Variants in CTNND2 observed in about 807,000 individuals in gnomAD.
The protein encoded by CTNND2 is catenin delta 2.
Under a neutral mutation model 144.4 loss-of-function variants are expected in CTNND2, and 22 were observed. That is an observed-to-expected ratio of 0.15 (90% CI 0.11 to 0.22). CTNND2 has a LOEUF of 0.22. CTNND2 is among the 10% of genes least tolerant of loss of function. CTNND2 has a pLI of 1.00. For synonymous variants in CTNND2, 751 were observed against 695.6 expected (o/e 1.08, Z -1.25); for missense variants, 1,353 against 1,618.8 (o/e 0.84, Z 2.82).
chr5:11,164,527 G>GCC (rs1452742063), intron 11 of CTNND2, among the ~76,000 whole-genome samples: 1 of 152,064 alleles, frequency 6.6e-6, no homozygotes, highest in Non-Finnish European at 1.5e-5. Context: ...AGACATCAGT[G>GCC]AAGAAAACAA....
At chr5:11,409,819 T>G (rs907067515) in intron 5 of CTNND2, among the ~76,000 whole-genome samples, 27 of 152,136 alleles carry the variant, frequency 1.8e-4, no homozygotes, top group Non-Finnish European at 2.4e-4. Context: ...CATAACTACT[T>G]TCTTTGTTTA....
chr5:11,246,849 C>T (rs919837345), intron 9 of CTNND2, among the ~76,000 whole-genome samples: 12 of 152,000 alleles, frequency 7.9e-5, no homozygotes, highest in African/African-American at 2.7e-4. Context: ...GCCTCTGAGG[C>T]AGGAGTGTGC....
chr5:11,860,340 T>A (rs4571470), intron 1 of CTNND2, among the ~76,000 whole-genome samples: 111,848 of 152,132 alleles, frequency 0.74, 41,215 homozygotes, highest in East Asian at 0.85. Flanking sequence ...TGTAGAGCTC[T>A]GTTGTAAATG....
At chr5:11,395,958 A>G (rs372734081) in intron 6 of CTNND2, among the ~76,000 whole-genome samples, 17 of 152,336 alleles carry the variant, frequency 1.1e-4, no homozygotes, top group African/African-American at 4.1e-4. Context: ...AACATGAAAA[A>G]AGTCCTGACC....
At chr5:11,860,985 T>G (rs368117277) in intron 1 of CTNND2, among the ~76,000 whole-genome samples, 3 of 152,224 alleles carry the variant, frequency 2.0e-5, no homozygotes, top group Non-Finnish European at 4.4e-5. Context: ...GTAAGTATTT[T>G]GAAGTGATCT....
intron 18 of CTNND2, among the ~76,000 whole-genome samples, chr5:11,005,709 G>C (rs553799693): frequency 6.6e-6 from 1 of 152,338 alleles, no homozygotes; most frequent in African/African-American, 2.4e-5. Flanking sequence ...GGAATATACT[G>C]AGAGCTAAGC....
At chr5:11,649,655 G>C (rs1434189664) in intron 2 of CTNND2, among the ~76,000 whole-genome samples, 4 of 152,142 alleles carry the variant, frequency 2.6e-5, no homozygotes, top group African/African-American at 9.7e-5. Flanking sequence ...ATAGGATTTG[G>C]GTTAAACACA....
chr5:11,826,788 A>T (rs540821178), intron 1 of CTNND2, among the ~76,000 whole-genome samples: 97 of 152,200 alleles, frequency 6.4e-4, no homozygotes, highest in African/African-American at 2.1e-3. Flanking sequence ...TAAGAATCCA[A>T]TCTATATATT....
At chr5:11,614,414 T>C (rs1323419757) in intron 2 of CTNND2, among the ~76,000 whole-genome samples, 1 of 152,116 alleles carries the variant, frequency 6.6e-6, no homozygotes, top group African/African-American at 2.4e-5. Context: ...AAACTCCAAG[T>C]GATGCAAAAA....
intron 2 of CTNND2, among the ~76,000 whole-genome samples, chr5:11,619,646 T>C (rs746260557): frequency 6.6e-6 from 1 of 152,188 alleles, no homozygotes; most frequent in Admixed American, 6.5e-5. Context: ...CATGATGGCA[T>C]AGAAAGAAGT....
At chr5:11,105,829 T>C (rs374772206) in intron 14 of CTNND2, among the ~76,000 whole-genome samples, 53 of 152,246 alleles carry the variant, frequency 3.5e-4, no homozygotes, top group African/African-American at 1.1e-3. Flanking sequence ...ATATCATGCC[T>C]TGAGTCAACA....
At chr5:11,455,376 TC>T (rs1259677553) in intron 3 of CTNND2, among the ~76,000 whole-genome samples, 1 of 152,176 alleles carries the variant, frequency 6.6e-6, no homozygotes, top group African/African-American at 2.4e-5. Flanking sequence ...TTTTTCTAAT[TC>T]ACGTAATCGC....
intron 2 of CTNND2, among the ~76,000 whole-genome samples, chr5:11,594,061 C>G (rs1004888145): frequency 6.6e-6 from 1 of 152,136 alleles, no homozygotes; most frequent in Admixed American, 6.5e-5. Context: ...CAATTCTACT[C>G]GATAATGCCA....
chr5:11,229,275 T>C lies in CTNND2; in HGVS notation c.1761+7416A>G, dbSNP rs911320839. ...GGGATGGTCTATGTTTAAAAGAAAATACATTTTCCAATTATTTGAACATTT... is the reference window on the plus strand; with the variant it reads ...GGGATGGTCTATGTTTAAAAGAAAACACATTTTCCAATTATTTGAACATTT... On this transcript the variant is annotated intron_variant, in intron 10 of 21. Transcript: ENST00000304623. Among the ~76,000 whole-genome samples the C allele has an allele frequency of 7.2e-5, 11 of 152,340 alleles. No homozygotes were observed. In the South Asian group the frequency reaches 1.5e-3, roughly 20 times the overall value.
chr5:11,867,508 T>C (rs984063178), intron 1 of CTNND2, among the ~76,000 whole-genome samples: 6 of 152,248 alleles, frequency 3.9e-5, no homozygotes, highest in South Asian at 2.1e-4. Context: ...CTCAGTCACA[T>C]TGGCAGAAAA....
chr5:11,812,236 G>C (rs563723859), intron 1 of CTNND2, among the ~76,000 whole-genome samples: 1 of 152,266 alleles, frequency 6.6e-6, no homozygotes, highest in African/African-American at 2.4e-5. Context: ...CGCTGGGAGA[G>C]GTACTGCTTT....
chr5:11,694,258 AC>A (rs1027790178), intron 2 of CTNND2, among the ~76,000 whole-genome samples: 1 of 151,884 alleles, frequency 6.6e-6, no homozygotes, highest in Non-Finnish European at 1.5e-5. Flanking sequence ...ACACGGTGAA[AC>A]CCCGTCTCTA....
intron 3 of CTNND2, among the ~76,000 whole-genome samples, chr5:11,538,603 T>C (rs1490402871): frequency 1.3e-5 from 2 of 152,218 alleles, no homozygotes; most frequent in African/African-American, 4.8e-5. Context: ...CCCAGTAACA[T>C]GGCAATTGAG....
intron 9 of CTNND2, among the ~76,000 whole-genome samples, chr5:11,238,905 C>T (rs17189349): frequency 6.6e-5 from 10 of 152,118 alleles, no homozygotes; most frequent in East Asian, 1.9e-4. Context: ...AAATGTAAAG[C>T]CTGTTTTTCT....
Sources: allele counts gnomAD v4.1 joint callset (sites outside exome capture counted in the v4.1 genomes callset), GRCh38; gene constraint gnomAD v4.1.1; transcripts MANE v1.5; gene names NCBI Gene and HGNC (gene_info 2026-07-23, HGNC 2026-07-21).